The following ZNF503 variants were observed in gnomAD, a reference collection of about 807,000 sequenced individuals.
The protein encoded by ZNF503 is zinc finger protein 503.
A neutral mutation model predicts 34.4 loss-of-function variants in ZNF503; 15 were observed. That is an observed-to-expected ratio of 0.44 (90% CI 0.29 to 0.67). The LOEUF (loss-of-function observed/expected upper bound fraction) is 0.67. ZNF503 is among the 30% of genes least tolerant of loss of function. The pLI is 0.13. For synonymous variants in ZNF503, 580 were observed against 456.8 expected, an observed-to-expected ratio of 1.27 and a Z score of -3.44; for missense variants, 1,007 against 926.8, an observed-to-expected ratio of 1.09 and a Z score of -1.12.
chr10:75,356,223 A>G, the ZNF503 span, among the ~76,000 whole-genome samples: 7,985 of 151,994 alleles, frequency 0.053, 579 homozygotes, highest in African/African-American at 0.16. Context: ...AATTTTATGT[A>G]TTTATTTTTT....
In ZNF503 at chr10:75,399,286, C is replaced by A; in HGVS notation, c.1404G>T (p.Leu468=). 6.2e-7 allele frequency: 1 copy of A among 1,601,130 alleles called. No individual in the cohort carries two copies. ...CGTGCAGCGGGTGCGTGGGGTACAC[C>A]AGCGGGTATCCGGACTTCAGCGCCG... The part of the protein sequence containing the change: ...AAAALKSGYP[L]VYPTHPLHGV... The change falls in exon 2 of 2, where the codon CTG becomes CTT. Residue 468 remains leucine, a synonymous_variant. Coordinates refer to ENST00000372524, the MANE Select transcript of ZNF503 (RefSeq NM_032772.6).
chr10:75,303,984 C>A, the ZNF503 span, among the ~76,000 whole-genome samples: 1 of 152,078 alleles, frequency 6.6e-6, no homozygotes, highest in South Asian at 2.1e-4. Context: ...CAGGTGCATG[C>A]CACCACACCT....
At chr10:75,333,976 T>G in the ZNF503 span, among the ~76,000 whole-genome samples, 11 of 80,078 alleles carry the variant, frequency 1.4e-4, no homozygotes, top group Non-Finnish European at 1.7e-4. Flanking sequence ...TTCCTAGATG[T>G]GATGGTGGCC....
chr10:75,391,703 C>T, the ZNF503 span, among the ~76,000 whole-genome samples: 17 of 152,134 alleles, frequency 1.1e-4, no homozygotes, highest in South Asian at 2.1e-4. Flanking sequence ...CAAGAGTTCC[C>T]GATTCATGCA....
At chr10:75,400,858 G>T (rs939899384) in intron 1 of ZNF503, 15 of 636,364 alleles carry the variant, frequency 2.4e-5, no homozygotes, top group Non-Finnish European at 4.0e-5. Context: ...CCTGGGTCGG[G>T]GTAGGGGCTT....
the ZNF503 span, among the ~76,000 whole-genome samples, chr10:75,326,444 A>T: frequency 6.6e-6 from 1 of 151,868 alleles, no homozygotes; most frequent in South Asian, 2.1e-4. Flanking sequence ...GCTTGGCTGG[A>T]AATGTCTTTA....
chr10:75,323,871 G>C, the ZNF503 span, among the ~76,000 whole-genome samples: 1 of 151,608 alleles, frequency 6.6e-6, no homozygotes, highest in South Asian at 2.1e-4. Flanking sequence ...GCATGGTGGT[G>C]TGCACCTGTA....
At chr10:75,285,142 T>C in the ZNF503 span, among the ~76,000 whole-genome samples, 2 of 152,270 alleles carry the variant, frequency 1.3e-5, no homozygotes, top group African/African-American at 4.8e-5. Flanking sequence ...TTATTAGTGC[T>C]TATTATGTGC....
Position 75,400,117 on chromosome 10 carries a change from G to A in ZNF503, c.573C>T (p.Gly191=), listed in dbSNP as rs1442446000. ...CCCCGCCACCGCCACCGCCTCCACC[G>A]CCGCCTCCCGGCTCCTTCTTATCCG... The part of the protein sequence containing the change: ...PGSDKKEPGG[G]GGGGGGGGGG... Residue 191 remains glycine, a synonymous_variant, in exon 2 of 2, where the codon GGC becomes GGT. Transcript: ENST00000372524. The A allele has an allele frequency of 1.7e-6, 2 of 1,173,512 alleles. No individual in the cohort carries two copies. Among genetic ancestry groups the A allele is most frequent in the South Asian group, 1.6e-5 (1 of 63,498 alleles). The allele number at this position is 1,173,512 out of a possible 1,614,324, so 72.7% of individuals were successfully genotyped here. A position where few individuals can be genotyped will look rare whatever the true frequency, so the allele number is the denominator to read the frequency against.
the ZNF503 span, among the ~76,000 whole-genome samples, chr10:75,312,614 A>C: frequency 6.6e-6 from 1 of 152,352 alleles, no homozygotes. Context: ...GAAAGACATA[A>C]ACCTACAATT....
chr10:75,393,732 G>C (rs746258525), downstream of ZNF503, among the ~76,000 whole-genome samples: 1 of 152,018 alleles, frequency 6.6e-6, no homozygotes, highest in Non-Finnish European at 1.5e-5. Context: ...GGTGGTGCAC[G>C]TCTGTAATTT....
the ZNF503 span, among the ~76,000 whole-genome samples, chr10:75,324,625 C>T: frequency 3.1e-3 from 471 of 152,298 alleles, no homozygotes; most frequent in African/African-American, 9.5e-3. Context: ...CTGCATCCAG[C>T]CTATGATCCA....
the ZNF503 span, among the ~76,000 whole-genome samples, chr10:75,362,394 G>A: frequency 2.6e-5 from 4 of 152,146 alleles, no homozygotes; most frequent in African/African-American, 7.2e-5. Context: ...AAAGGTTTGT[G>A]TGTATGAAGG....
the ZNF503 span, among the ~76,000 whole-genome samples, chr10:75,379,580 C>A: frequency 2.0e-5 from 3 of 152,204 alleles, no homozygotes; most frequent in Non-Finnish European, 4.4e-5. Context: ...TTCTGCCCAG[C>A]ACGGACTGTT....
the ZNF503 span, among the ~76,000 whole-genome samples, chr10:75,356,437 G>C: frequency 1.3e-5 from 2 of 152,104 alleles, no homozygotes; most frequent in African/African-American, 4.8e-5. Flanking sequence ...GGATGGTCTC[G>C]ATCTCCTGAC....
the ZNF503 span, among the ~76,000 whole-genome samples, chr10:75,342,554 G>C: frequency 8.5e-5 from 13 of 152,128 alleles, no homozygotes; most frequent in African/African-American, 4.8e-5. Context: ...TCGCTTGGCA[G>C]GTGATGGCCC....
chr10:75,292,883 T>C, the ZNF503 span, among the ~76,000 whole-genome samples: 1 of 152,196 alleles, frequency 6.6e-6, no homozygotes, highest in Admixed American at 6.5e-5. Context: ...CTTGTGAACA[T>C]TGGCTTTGGT....
chr10:75,399,959 G>A lies in ZNF503; in HGVS notation c.731C>T (p.Ser244Leu), dbSNP rs1413314371. The change falls in exon 2 of 2, where the codon TCG becomes TTG. Residue 244 changes from serine (S) to leucine (L), a missense_variant. Coordinates refer to ENST00000372524, the MANE Select transcript of ZNF503 (RefSeq NM_032772.6). ...SACSPGGMLSSAGGAPEGKDD... is the reference protein window; with the variant it reads ...SACSPGGMLSLAGGAPEGKDD... ...CTTGCCCTCCGGGGCACCCCCGGCC[G>A]AGGACAGCATACCTCCCGGCGAGCA... is the stretch of plus-strand genomic sequence containing the variant. 2.5e-6 allele frequency: 4 copies of A among 1,606,482 alleles called. No homozygotes were observed. The highest frequency in any genetic ancestry group is 2.2e-5 in the South Asian group (2 of 90,926).
chr10:75,310,635 G>A, the ZNF503 span, among the ~76,000 whole-genome samples: 1 of 152,162 alleles, frequency 6.6e-6, no homozygotes, highest in South Asian at 2.1e-4. Context: ...GCTAAGTAAG[G>A]AGCAAGGACT....
Sources: allele counts gnomAD v4.1 joint callset (sites outside exome capture counted in the v4.1 genomes callset), GRCh38; gene constraint gnomAD v4.1.1; transcripts MANE v1.5; gene names NCBI Gene and HGNC (gene_info 2026-07-23, HGNC 2026-07-21).